Variants in CDKAL1 observed in about 807,000 individuals in gnomAD.
CDKAL1 encodes CDKAL1 threonylcarbamoyladenosine tRNA methylthiotransferase, also known as threonylcarbamoyladenosine tRNA methylthiotransferase.
CDKAL1 carries 32 observed loss-of-function variants against 68.2 expected under a neutral mutation model. The ratio of observed to expected loss-of-function variants is 0.47; its 90% CI spans 0.35 to 0.63. The LOEUF (loss-of-function observed/expected upper bound fraction) is 0.63, where lower values mean the gene tolerates loss of function less well. Ranked by LOEUF, CDKAL1 falls within the 30% of genes least tolerant of loss-of-function variation. The pLI, the probability that CDKAL1 is intolerant of heterozygous loss-of-function variation, is 0.00. For synonymous variants in CDKAL1, 234 were observed against 244.3 expected, an observed-to-expected ratio of 0.96 and a Z score of 0.39; for missense variants, 606 against 696.7, an observed-to-expected ratio of 0.87 and a Z score of 1.47.
chr6:21,018,678 C>T (rs1433760394), intron 11 of CDKAL1, among the ~76,000 whole-genome samples: 1 of 152,126 alleles, frequency 6.6e-6, no homozygotes, highest in African/African-American at 2.4e-5. Flanking sequence ...TATTTTAGAT[C>T]AGAATAAACC....
At chr6:20,703,720 G>T (rs1189765702) in intron 5 of CDKAL1, among the ~76,000 whole-genome samples, 1 of 152,014 alleles carries the variant, frequency 6.6e-6, no homozygotes, top group Non-Finnish European at 1.5e-5. Context: ...GTAAAAACAT[G>T]ATATAATAGT....
intron 9 of CDKAL1, among the ~76,000 whole-genome samples, chr6:20,878,961 C>T (rs1760679045): frequency 6.6e-6 from 1 of 151,072 alleles, no homozygotes; most frequent in African/African-American, 2.4e-5. Flanking sequence ...CGCCTGTAAT[C>T]CCAGCTACTC....
In CDKAL1 at chr6:20,643,300, A is replaced by G. The variant is rs190555985; in HGVS notation, c.287-5993A>G. 5.7e-3 allele frequency among the ~76,000 whole-genome samples: 875 copies of G among 152,288 alleles called. 8 individuals are homozygous for G. The highest frequency in any genetic ancestry group is 0.02 in the African/African-American group (841 of 41,568). On this transcript the variant is annotated intron_variant, in intron 4 of 15. Coordinates refer to ENST00000274695, the MANE Select transcript of CDKAL1 (RefSeq NM_017774.3). Reference sequence around the variant, plus strand: ...GGACCTGGCATGAATGTTCTAAGGCAAGATCAGAAGGTGTTAACCTCTTAG... The same window carrying G: ...GGACCTGGCATGAATGTTCTAAGGCGAGATCAGAAGGTGTTAACCTCTTAG...
intron 4 of CDKAL1, among the ~76,000 whole-genome samples, chr6:20,634,678 A>G (rs887147796): frequency 6.6e-6 from 1 of 152,176 alleles, no homozygotes; most frequent in Admixed American, 6.5e-5. Context: ...GGGGAAAGGA[A>G]TGATTAAACA....
intron 8 of CDKAL1, among the ~76,000 whole-genome samples, chr6:20,834,118 A>G (rs183413964): frequency 8.5e-5 from 13 of 152,264 alleles, no homozygotes; most frequent in African/African-American, 2.6e-4. Context: ...ACTAAGTGGA[A>G]TATCAGTCTG....
At chr6:20,914,765 C>G (rs1762644902) in intron 9 of CDKAL1, among the ~76,000 whole-genome samples, 1 of 152,188 alleles carries the variant, frequency 6.6e-6, no homozygotes, top group Admixed American at 6.5e-5. Context: ...ACATAGCCTC[C>G]CCTAAGAAGC....
intron 5 of CDKAL1, among the ~76,000 whole-genome samples, chr6:20,720,779 G>A (rs1040688691): frequency 5.3e-5 from 8 of 152,142 alleles, no homozygotes; most frequent in Non-Finnish European, 7.3e-5. Flanking sequence ...GATTTCAGGC[G>A]TGAGCCCTCG....
chr6:20,896,376 G>T (rs945120585), intron 9 of CDKAL1, among the ~76,000 whole-genome samples: 1 of 152,024 alleles, frequency 6.6e-6, no homozygotes, highest in Non-Finnish European at 1.5e-5. Context: ...GGGATTACAG[G>T]TGTGAGCCAC....
intron 13 of CDKAL1, among the ~76,000 whole-genome samples, chr6:21,133,266 G>T (rs1352173760): frequency 6.6e-6 from 1 of 152,200 alleles, no homozygotes; most frequent in East Asian, 1.9e-4. Context: ...GGTACTGTTT[G>T]ACAGATACTG....
chr6:21,128,290 G>A (rs1248469321), intron 13 of CDKAL1, among the ~76,000 whole-genome samples: 1 of 152,196 alleles, frequency 6.6e-6, no homozygotes, highest in African/African-American at 2.4e-5. Context: ...CATGTTTAAG[G>A]TAGGCTAGGC....
intron 4 of CDKAL1, among the ~76,000 whole-genome samples, chr6:20,583,029 G>T (rs1765200402): frequency 6.6e-6 from 1 of 152,132 alleles, no homozygotes; most frequent in Non-Finnish European, 1.5e-5. Context: ...TTTATTAATA[G>T]AAATAGAAAA....
At chr6:20,678,599 C>T (rs1033697362) in intron 5 of CDKAL1, among the ~76,000 whole-genome samples, 7 of 152,134 alleles carry the variant, frequency 4.6e-5, no homozygotes, top group Non-Finnish European at 1.0e-4. Flanking sequence ...AACTCTTGCT[C>T]ATATCAATTA....
At chr6:20,625,914 A>G (rs78664808) in intron 4 of CDKAL1, among the ~76,000 whole-genome samples, 3,068 of 152,236 alleles carry the variant, frequency 0.02, 103 homozygotes, top group African/African-American at 0.068. Context: ...TAGGCTTAAA[A>G]CAATAATGCT....
At chr6:20,779,535 T>C (rs116202490) in intron 7 of CDKAL1, among the ~76,000 whole-genome samples, 3,339 of 152,298 alleles carry the variant, frequency 0.022, 67 homozygotes, top group Admixed American at 0.038. Context: ...TTTCATTCAG[T>C]TTTAGAACAT....
intron 15 of CDKAL1, among the ~76,000 whole-genome samples, chr6:21,209,566 G>T (rs1779074763): frequency 1.3e-5 from 2 of 152,208 alleles, no homozygotes; most frequent in Non-Finnish European, 2.9e-5. Context: ...CTGGTAGGGA[G>T]GGATTGGTGT....
intron 12 of CDKAL1, among the ~76,000 whole-genome samples, chr6:21,105,859 T>C (rs1249383399): frequency 1.3e-5 from 2 of 152,190 alleles, no homozygotes; most frequent in Non-Finnish European, 2.9e-5. Flanking sequence ...GGACAAGAAA[T>C]AAATTATATT....
intron 10 of CDKAL1, among the ~76,000 whole-genome samples, chr6:20,988,369 C>T (rs1193952422): frequency 1.3e-5 from 2 of 152,116 alleles, no homozygotes; most frequent in East Asian, 3.9e-4. Flanking sequence ...CCCTCACAGA[C>T]ACCCAGAAAT....
chr6:20,633,970 TC>T (rs1179628586), intron 4 of CDKAL1, among the ~76,000 whole-genome samples: 1 of 152,224 alleles, frequency 6.6e-6, no homozygotes, highest in African/African-American at 2.4e-5. Flanking sequence ...TAGAAGTGGT[TC>T]TTATATTGGA....
At chr6:21,227,710 G>A (rs1779804682) in intron 15 of CDKAL1, among the ~76,000 whole-genome samples, 1 of 152,136 alleles carries the variant, frequency 6.6e-6, no homozygotes, top group Non-Finnish European at 1.5e-5. Context: ...AATCAGTTAT[G>A]TTCAAATATG....
Sources: allele counts gnomAD v4.1 joint callset (sites outside exome capture counted in the v4.1 genomes callset), GRCh38; gene constraint gnomAD v4.1.1; transcripts MANE v1.5; gene names NCBI Gene and HGNC (gene_info 2026-07-23, HGNC 2026-07-21).